ADGRG1: variants seen among roughly 807,000 people sequenced by gnomAD.
ADGRG1 encodes 7-transmembrane protein with no EGF-like N-terminal domains-1.
Under a neutral mutation model 73.5 loss-of-function variants are expected in ADGRG1, and 53 were observed. That is an observed-to-expected ratio of 0.72 (90% CI 0.58 to 0.91). The LOEUF is 0.91. ADGRG1 is among the 40% of genes least tolerant of loss of function. ADGRG1 has a pLI of 0.00. For synonymous variants in ADGRG1, 394 were observed against 374.4 expected (o/e 1.05, Z -0.60); for missense variants, 795 against 871.8 (o/e 0.91, Z 1.11).
intron 3 of ADGRG1, chr16:57,652,989 T>C (rs2044495768): frequency 7.0e-7 from 1 of 1,421,092 alleles, no homozygotes; most frequent in Admixed American, 2.7e-5. Context: ...GGGGCTGGCA[T>C]TGCTGGCGGG....
At chr16:57,653,164 TC>T (rs1393097083) in intron 3 of ADGRG1, 38 bp from the exon 4 acceptor site, 1 of 1,601,770 alleles carries the variant, frequency 6.2e-7, no homozygotes, top group Admixed American at 1.7e-5. Flanking sequence ...GGGACCTGAA[TC>T]GGCAGCCTCG....
chr16:57,658,070 C>A (rs1266241220), intron 10 of ADGRG1, among the ~76,000 whole-genome samples: 10 of 152,228 alleles, frequency 6.6e-5, no homozygotes, highest in African/African-American at 2.4e-4. Context: ...TTGAGAGAGT[C>A]CACCTAAGAA....
At chr16:57,628,066 C>CA (rs1320072713), upstream of ADGRG1, 11 of 883,898 alleles carry the variant, frequency 1.2e-5, no homozygotes, top group Non-Finnish European at 1.4e-5. Context: ...ACGGGTCACC[C>CA]CCCGGGGGGA....
intron 1 of ADGRG1, chr16:57,629,012 GTGAC>G (rs1232434048): frequency 1.0e-5 from 5 of 497,810 alleles, no homozygotes; most frequent in South Asian, 8.6e-5. Flanking sequence ...GTGTGAGAGT[GTGAC>G]TGAGCGTTTG....
chr16:57,663,016 G>C, intron 13 of ADGRG1: 1 of 984,866 alleles, frequency 1.0e-6, no homozygotes, highest in Non-Finnish European at 1.2e-6. Context: ...ACTCAGGATT[G>C]TAAGTGAGGC....
chr16:57,645,217 G>C (rs1489696384), intron 1 of ADGRG1: 1 of 985,336 alleles, frequency 1.0e-6, no homozygotes. Flanking sequence ...AGGGGAGCTA[G>C]GGCAGTGGAA....
At chr16:57,639,347 G>A (rs1158191657) in intron 1 of ADGRG1, 9 of 985,364 alleles carry the variant, frequency 9.1e-6, no homozygotes, top group Non-Finnish European at 1.1e-5. Context: ...GGTCTGAGCC[G>A]GGGTGTGACG....
chr16:57,631,313 G>A (rs547464108), intron 1 of ADGRG1: 29 of 985,668 alleles, frequency 2.9e-5, no homozygotes, highest in African/African-American at 1.9e-4. Context: ...ACTGCGGACC[G>A]TCCTCCAGCC....
At chr16:57,638,800 G>A (rs931331827) in intron 1 of ADGRG1, among the ~76,000 whole-genome samples, 2 of 152,124 alleles carry the variant, frequency 1.3e-5, no homozygotes, top group African/African-American at 2.4e-5. Flanking sequence ...GGCCAGGCGC[G>A]GTGGCTCACA....
At chr16:57,655,783 G>A (rs2045563972) in intron 6 of ADGRG1, 93 bp from the exon 7 acceptor site, 4 of 1,612,800 alleles carry the variant, frequency 2.5e-6, no homozygotes, top group South Asian at 2.2e-5. Context: ...TGTGCTGGGA[G>A]AGGGTTATCT....
In ADGRG1 at chr16:57,656,104, C is replaced by T. The variant is rs182633029; in HGVS notation, c.1017+112C>T. ...ATAATGAAACGATTGCCTGATCGAG[C>T]AGTCAGGTCCAAATGGGGCGGGTGG... On this transcript the variant is annotated intron_variant, in intron 7 of 13. Coordinates refer to ENST00000562631, the MANE Select transcript of ADGRG1 (RefSeq NM_201525.4). 559 of 1,613,360 alleles carry T rather than the reference C, an allele frequency of 3.5e-4. 1 individual carries two copies. Among genetic ancestry groups the T allele is most frequent in the Non-Finnish European group, 4.4e-4 (525 of 1,179,874 alleles).
intron 1 of ADGRG1, chr16:57,631,942 C>T: frequency 1.0e-6 from 1 of 976,446 alleles, no homozygotes; most frequent in Non-Finnish European, 1.2e-6. Flanking sequence ...ATTTTCTGAC[C>T]ACTGCCCAGT....
intron 1 of ADGRG1, chr16:57,637,257 G>A (rs563124404): frequency 1.0e-5 from 10 of 953,840 alleles, no homozygotes; most frequent in Admixed American, 6.2e-5. Flanking sequence ...GACCCTGGTC[G>A]GGAATGTTGT....
chr16:57,662,861 G>T (rs2047572662), intron 13 of ADGRG1: 1 of 896,856 alleles, frequency 1.1e-6, no homozygotes, highest in South Asian at 5.1e-5. Context: ...TGTATGGCCA[G>T]GCCCAGGGGC....
chr16:57,622,711 G>T, upstream of ADGRG1: 2 of 919,156 alleles, frequency 2.2e-6, no homozygotes, highest in Non-Finnish European at 2.6e-6. Flanking sequence ...CATCCTTCCT[G>T]CCAAGTGCTC....
At position 57,650,391 on chromosome 16, in the gene ADGRG1, C is replaced by T. The variant is rs537226567; in HGVS notation, c.64+40C>T. The T allele has an allele frequency of 1.9e-4, 311 of 1,608,854 alleles. 4 individuals carry two copies. In the South Asian group the frequency reaches 3.0e-3, roughly 16 times the overall value. On this transcript the variant is annotated intron_variant, in intron 2 of 13. Coordinates refer to ENST00000562631, the MANE Select transcript of ADGRG1 (RefSeq NM_201525.4). ...GGGTGCCCTGGGCTGTTGGAACTTA[C>T]GTTAAAATGCCCCTGTGCCTAGGGT... is the stretch of plus-strand genomic sequence containing the variant.
rs747336249 is a variant in ADGRG1, at chr16:57,661,954, C to A, written c.1922C>A (p.Thr641Asn). 2 of 1,613,730 alleles carry A rather than the reference C, an allele frequency of 1.2e-6. No homozygotes were observed. The highest frequency in any genetic ancestry group is 1.7e-6 in the Non-Finnish European group (2 of 1,179,546). The change falls in exon 13 of 14, where the codon ACC becomes AAC. Residue 641 changes from threonine to asparagine, a missense_variant. Thr to Asn is a moderately conservative substitution (Grantham distance 65). Transcript: ENST00000562631. Reference protein sequence around the residue: ...LVVLYLFSIITSFQGFLIFIW... With the variant: ...LVVLYLFSIINSFQGFLIFIW... ...GTCCTCTACCTTTTCAGCATCATCA[C>A]CTCCTTCCAAGGTAAGGAGAAGACC...
intron 1 of ADGRG1, among the ~76,000 whole-genome samples, chr16:57,649,762 C>T (rs1286062551): frequency 2.6e-5 from 4 of 151,656 alleles, no homozygotes; most frequent in African/African-American, 9.7e-5. Context: ...CTCAGCTGGA[C>T]TCTGGACAGC....
At chr16:57,662,676 T>C (rs1461656847) in intron 13 of ADGRG1, among the ~76,000 whole-genome samples, 1 of 151,540 alleles carries the variant, frequency 6.6e-6, no homozygotes, top group Non-Finnish European at 1.5e-5. Context: ...AGGGAGAGCG[T>C]GGCCAGATGG....
Sources: gnomAD v4.1 joint callset for allele counts (sites outside exome capture counted in the v4.1 genomes callset) on GRCh38, gnomAD v4.1.1 for gene constraint, MANE v1.5 for transcripts, NCBI Gene and HGNC (gene_info 2026-07-23, HGNC 2026-07-21) for gene names.